The following VDAC1 variants were observed in gnomAD, a reference collection of about 807,000 sequenced individuals.
VDAC1 encodes non-selective voltage-gated ion channel VDAC1.
A neutral mutation model predicts 34.7 loss-of-function variants in VDAC1; 10 were observed. That is an observed-to-expected ratio of 0.29 (90% CI 0.18 to 0.49). The LOEUF is 0.49. Among genes scored for constraint, VDAC1 ranks in the 20% least tolerant of loss-of-function variants. The pLI, the probability that VDAC1 is intolerant of heterozygous loss-of-function variation, is 0.99. For missense variants in VDAC1, 230 were observed against 347.9 expected, an observed-to-expected ratio of 0.66 and a Z score of 2.69; for synonymous variants, 130 against 136.0, an observed-to-expected ratio of 0.96 and a Z score of 0.30.
chr5:134,034,950 G>A, the VDAC1 span, among the ~76,000 whole-genome samples: 59 of 152,062 alleles, frequency 3.9e-4, no homozygotes, highest in African/African-American at 1.4e-3. Flanking sequence ...TGGAGAGAGG[G>A]GGGACATGTA....
chr5:134,055,109 G>C, the VDAC1 span, among the ~76,000 whole-genome samples: 1 of 152,370 alleles, frequency 6.6e-6, no homozygotes, highest in Admixed American at 6.5e-5. Context: ...GCTGCATGGG[G>C]TGGGGATGCT....
At chr5:134,106,735 G>A in the VDAC1 span, among the ~76,000 whole-genome samples, 4 of 152,152 alleles carry the variant, frequency 2.6e-5, no homozygotes, top group Non-Finnish European at 4.4e-5. Flanking sequence ...TGATACCAAA[G>A]AGGGTAAGTG....
chr5:133,995,187 G>C (rs1753251312), intron 1 of VDAC1, among the ~76,000 whole-genome samples: 2 of 152,218 alleles, frequency 1.3e-5, no homozygotes, highest in South Asian at 4.1e-4. Flanking sequence ...TCAGAGAGCA[G>C]AGCTCAGAAG....
At chr5:134,099,511 G>T in the VDAC1 span, among the ~76,000 whole-genome samples, 1 of 152,144 alleles carries the variant, frequency 6.6e-6, no homozygotes, top group Non-Finnish European at 1.5e-5. Context: ...TCACGTCTGG[G>T]GAGTCATAAT....
At chr5:134,050,765 T>C in the VDAC1 span, among the ~76,000 whole-genome samples, 767 of 152,294 alleles carry the variant, frequency 5.0e-3, 7 homozygotes, top group African/African-American at 0.016. Context: ...AAATTGGAGA[T>C]GAGGGTGTCA....
chr5:134,029,107 C>T, the VDAC1 span, among the ~76,000 whole-genome samples: 1 of 152,180 alleles, frequency 6.6e-6, no homozygotes, highest in African/African-American at 2.4e-5. Context: ...TAGGGAACCT[C>T]TTAGTCCTAG....
intron 5 of VDAC1, 117 bp downstream of exon 5, chr5:133,990,738 G>C: frequency 8.1e-7 from 1 of 1,230,304 alleles, no homozygotes; most frequent in East Asian, 2.5e-5. Context: ...TAAATCGCCA[G>C]GTCTCGGAGA....
At chr5:134,035,385 G>A in the VDAC1 span, among the ~76,000 whole-genome samples, 1 of 152,072 alleles carries the variant, frequency 6.6e-6, no homozygotes, top group African/African-American at 2.4e-5. Context: ...GGGACTACAC[G>A]TGTGCACAAC....
the VDAC1 span, among the ~76,000 whole-genome samples, chr5:134,075,009 T>G: frequency 6.6e-6 from 1 of 152,128 alleles, no homozygotes; most frequent in African/African-American, 2.4e-5. Flanking sequence ...CGTCCAGCCA[T>G]TTGGACTCTC....
At chr5:134,032,884 A>T in the VDAC1 span, among the ~76,000 whole-genome samples, 2 of 152,150 alleles carry the variant, frequency 1.3e-5, no homozygotes, top group Non-Finnish European at 2.9e-5. Context: ...AAAACAAAAT[A>T]ATGCCAGGTG....
the VDAC1 span, among the ~76,000 whole-genome samples, chr5:134,057,979 CT>C: frequency 6.6e-6 from 1 of 151,942 alleles, no homozygotes; most frequent in African/African-American, 2.4e-5. Context: ...TCAATGCAAT[CT>C]CCACCTCCTG....
At chr5:133,982,513 A>G (rs1211568909) in intron 5 of VDAC1, among the ~76,000 whole-genome samples, 6 of 146,476 alleles carry the variant, frequency 4.1e-5, no homozygotes, top group African/African-American at 1.5e-4. Flanking sequence ...CTCCGTCTCA[A>G]AAAAAAAAAA....
At chr5:134,095,816 C>T in the VDAC1 span, among the ~76,000 whole-genome samples, 1 of 152,242 alleles carries the variant, frequency 6.6e-6, no homozygotes. Flanking sequence ...CACACCAGCC[C>T]CACTGTAAAT....
chr5:134,067,480 G>A, the VDAC1 span, among the ~76,000 whole-genome samples: 1 of 146,024 alleles, frequency 6.8e-6, no homozygotes, highest in Non-Finnish European at 1.5e-5. Context: ...TATACTTTTA[G>A]TAGTTGTCTT....
the VDAC1 span, among the ~76,000 whole-genome samples, chr5:134,050,984 G>A: frequency 1.3e-5 from 2 of 152,308 alleles, no homozygotes; most frequent in Non-Finnish European, 2.9e-5. Context: ...CTGGCTGAGG[G>A]GAGAGTTGGC....
chr5:133,993,081 T>A, intron 1 of VDAC1, 63 bp from the exon 2 acceptor site: 1 of 1,489,134 alleles, frequency 6.7e-7, no homozygotes. Flanking sequence ...TTTCCATCAA[T>A]AACAATTATT....
the VDAC1 span, among the ~76,000 whole-genome samples, chr5:134,069,456 G>T: frequency 6.6e-6 from 1 of 152,160 alleles, no homozygotes; most frequent in Non-Finnish European, 1.5e-5. Flanking sequence ...GAGGTGAGGG[G>T]TCTCTCCCAT....
chr5:133,994,706 C>T (rs1753231052), intron 1 of VDAC1, among the ~76,000 whole-genome samples: 1 of 152,168 alleles, frequency 6.6e-6, no homozygotes, highest in Non-Finnish European at 1.5e-5. Flanking sequence ...CAATGTAACC[C>T]CAGGCAGACA....
At chr5:134,075,886 T>G in the VDAC1 span, among the ~76,000 whole-genome samples, 1 of 151,900 alleles carries the variant, frequency 6.6e-6, no homozygotes, top group Non-Finnish European at 1.5e-5. Flanking sequence ...TGCCCGGCCC[T>G]TGCTACCATT....
Sources: gnomAD v4.1 joint callset for allele counts (sites outside exome capture counted in the v4.1 genomes callset) on GRCh38, gnomAD v4.1.1 for gene constraint, MANE v1.5 for transcripts, NCBI Gene and HGNC (gene_info 2026-07-23, HGNC 2026-07-21) for gene names.